Variants in SLC25A53 observed in about 807,000 individuals in gnomAD.
SLC25A53 encodes the protein solute carrier family 25 member 53, also known as mitochondrial carrier triple repeat protein 6.
In SLC25A53, 5 loss-of-function variants were observed where a neutral mutation model predicts 15.0. The observed-to-expected ratio is 0.33, with a 90% CI of 0.17 to 0.70. The LOEUF is 0.70. Among genes scored for constraint, SLC25A53 ranks in the 30% least tolerant of loss-of-function variants. The pLI is 0.67. For synonymous variants in SLC25A53, 95 were observed against 100.0 expected (o/e 0.95, Z 0.30); for missense variants, 216 against 241.6 (o/e 0.89, Z 0.70).
intron 1 of SLC25A53, among the ~76,000 whole-genome samples, chrX:104,111,062 G>A (rs149029645): frequency 1.1e-3 from 120 of 112,546 alleles, no homozygotes; most frequent in South Asian, 5.5e-3. Context: ...TACATTTCAT[G>A]ACAGATATGC....
intron 1 of SLC25A53, among the ~76,000 whole-genome samples, chrX:104,129,870 G>A (rs1185296682): frequency 1.9e-5 from 2 of 105,328 alleles, no homozygotes; most frequent in Non-Finnish European, 3.9e-5. Flanking sequence ...ATGTGTGTGT[G>A]TGTGTGTGTG....
In SLC25A53 at chrX:104,101,228, C is replaced by T. The variant is rs186099417; in HGVS notation, c.*3106G>A. On this transcript the variant is annotated 3_prime_UTR_variant, in exon 2 of 2. Transcript: ENST00000594199. ...CTTCTGTGCCCTCCCTGGGTCACCA[C>T]CCTCCAGGAACCTCCACATGTTCAG... The T allele has an allele frequency of 8.9e-6, 1 of 112,573 alleles. No individual in the cohort carries two copies. The highest frequency in any genetic ancestry group is 2.8e-4 in the East Asian group (1 of 3,589). 9.3% of individuals were successfully genotyped at this position (112,573 alleles called of 1,213,427 possible).
chrX:104,125,270 T>A (rs1241710432), intron 1 of SLC25A53, among the ~76,000 whole-genome samples: 1 of 111,554 alleles, frequency 9.0e-6, no homozygotes, highest in Non-Finnish European at 1.9e-5. Flanking sequence ...TTCTTGTTCT[T>A]TTTCTATAAA....
intron 1 of SLC25A53, among the ~76,000 whole-genome samples, chrX:104,135,493 C>T (rs1479312942): frequency 2.7e-5 from 3 of 110,659 alleles, no homozygotes; most frequent in African/African-American, 6.6e-5. Context: ...TGGAATTCTT[C>T]GATCTCCACA....
At position 104,105,180 on chromosome X, in the gene SLC25A53, C is replaced by A; in HGVS notation, c.78G>T (p.Trp26Cys). The stretch of plus-strand genomic sequence containing the variant: ...CCCCAAGGGCATAGGCCTGGGAATG[C>A]CAGCTTTTCTTTCCTGGAGCCTCTG... ...TRAEAPGKKSWHSQAYALGAV... is the reference protein window; with the variant it reads ...TRAEAPGKKSCHSQAYALGAV... Residue 26 changes from tryptophan (W) to cysteine (C), a missense_variant, in exon 2 of 2, where the codon TGG (tryptophan) becomes TGT (cysteine). By Grantham distance (215) the Trp-to-Cys change is radical. Coordinates refer to ENST00000594199, the MANE Select transcript of SLC25A53 (RefSeq NM_001012755.5). 1 of 1,212,083 alleles carries A rather than the reference C, an allele frequency of 8.3e-7. No individual in the cohort carries two copies. Among genetic ancestry groups the A allele is most frequent in the Non-Finnish European group, 1.1e-6 (1 of 895,539 alleles).
chrX:104,152,701 G>A (rs1375741425), intron 1 of SLC25A53, among the ~76,000 whole-genome samples: 1 of 111,776 alleles, frequency 8.9e-6, no homozygotes, highest in Non-Finnish European at 1.9e-5. Flanking sequence ...GCCTCCTAAA[G>A]TGCTGGGATT....
chrX:104,108,144 C>T (rs1330132474), intron 1 of SLC25A53, among the ~76,000 whole-genome samples: 1 of 111,380 alleles, frequency 9.0e-6, no homozygotes, highest in Non-Finnish European at 1.9e-5. Context: ...GAGGGGAGTT[C>T]GTGTTTCTCC....
At chrX:104,114,739 C>T in intron 1 of SLC25A53, 1 of 1,211,812 alleles carries the variant, frequency 8.3e-7, no homozygotes, top group African/African-American at 1.7e-5. Flanking sequence ...TCCCAATTTC[C>T]TGGAGTTAAT....
chrX:104,118,124 C>T (rs781854232), intron 1 of SLC25A53, among the ~76,000 whole-genome samples: 1 of 112,625 alleles, frequency 8.9e-6, no homozygotes, highest in South Asian at 3.7e-4. Flanking sequence ...ACAAAGAAGA[C>T]TTGGAGTGAT....
chrX:104,114,755 T>C (rs1399047579), intron 1 of SLC25A53: 5 of 1,209,857 alleles, frequency 4.1e-6, no homozygotes, highest in Non-Finnish European at 5.6e-6. Flanking sequence ...TTAATCAAGA[T>C]GATAAGGGAG....
rs1322284877 is a variant in SLC25A53 at position 104,100,200 on chromosome X, G to A, written c.*4134C>T. The A allele has an allele frequency of 9.0e-6, 1 of 111,558 alleles. No homozygotes were observed. Among genetic ancestry groups the A allele is most frequent in the Non-Finnish European group, 1.9e-5 (1 of 53,106 alleles). The allele number at this position is 111,558 out of a possible 1,213,427, so 9.2% of individuals were successfully genotyped here. On this transcript the variant is annotated 3_prime_UTR_variant, in exon 2 of 2. Coordinates refer to ENST00000594199, the MANE Select transcript of SLC25A53 (RefSeq NM_001012755.5). ...GTCAGAATATACCATATAATGATTTGTCATAAAACGTTATTATTTCAACTT... is the reference window on the plus strand; with the variant it reads ...GTCAGAATATACCATATAATGATTTATCATAAAACGTTATTATTTCAACTT...
chrX:104,099,498 G>A lies in SLC25A53; in HGVS notation c.*4836C>T, dbSNP rs1406970136. ...ATAAATCATGGTATATTTATACAATGGTAAACTGTACAACAATAAAAATGG... is the reference window on the plus strand; with the variant it reads ...ATAAATCATGGTATATTTATACAATAGTAAACTGTACAACAATAAAAATGG... On this transcript the variant is annotated 3_prime_UTR_variant, in exon 2 of 2. Transcript: ENST00000594199. The A allele has an allele frequency of 5.4e-5, 6 of 111,790 alleles. No homozygotes were observed. The highest frequency in any genetic ancestry group is 1.6e-4 in the African/African-American group (5 of 30,804). 9.2% of individuals were successfully genotyped at this position (111,790 alleles called of 1,213,427 possible). A position where few individuals can be genotyped will look rare whatever the true frequency, so the allele number is the denominator to read the frequency against.
At chrX:104,146,876 C>G (rs1379424315) in intron 1 of SLC25A53, among the ~76,000 whole-genome samples, 3 of 110,988 alleles carry the variant, frequency 2.7e-5, no homozygotes, top group Non-Finnish European at 5.7e-5. Context: ...GGCCATACAG[C>G]CCAAGGTAAT....
chrX:104,126,871 G>A (rs1290239010), intron 1 of SLC25A53, among the ~76,000 whole-genome samples: 3 of 112,112 alleles, frequency 2.7e-5, no homozygotes, highest in African/African-American at 9.7e-5. Flanking sequence ...TCACAAGGAT[G>A]TAGAAAAAAT....
intron 1 of SLC25A53, among the ~76,000 whole-genome samples, chrX:104,133,895 T>C (rs2075431056): frequency 8.9e-6 from 1 of 112,002 alleles, no homozygotes; most frequent in African/African-American, 3.2e-5. Flanking sequence ...ACACATCTCC[T>C]AGCTGTGCCA....
intron 1 of SLC25A53, among the ~76,000 whole-genome samples, chrX:104,148,061 A>C (rs2075473610): frequency 9.0e-6 from 1 of 111,018 alleles, no homozygotes; most frequent in Non-Finnish European, 1.9e-5. Flanking sequence ...CAAATGTCCA[A>C]CAATGATAGA....
chrX:104,151,879 C>T (rs192500750), intron 1 of SLC25A53, among the ~76,000 whole-genome samples: 1 of 111,731 alleles, frequency 9.0e-6, no homozygotes, highest in Admixed American at 9.5e-5. Context: ...AATAACACTA[C>T]CTGTAAGACT....
Position 104,102,400 on chromosome X carries a change from C to T in SLC25A53, c.*1934G>A, listed in dbSNP as rs1556353030. On this transcript the variant is annotated 3_prime_UTR_variant, in exon 2 of 2. Transcript: ENST00000594199. ...TGTTTGTGAAATTTCAGTTCCTGAA[C>T]TGGTGCTAATAGCAAACATGCCATC... 1 of 112,627 alleles carries T rather than the reference C, an allele frequency of 8.9e-6. No individual in the cohort carries two copies. Among genetic ancestry groups the T allele is most frequent in the Non-Finnish European group, 1.9e-5 (1 of 53,378 alleles). 9.3% of individuals were successfully genotyped at this position (112,627 alleles called of 1,213,427 possible).
At chrX:104,137,659 C>T (rs1857554202) in intron 1 of SLC25A53, among the ~76,000 whole-genome samples, 1 of 111,811 alleles carries the variant, frequency 8.9e-6, no homozygotes, top group Admixed American at 9.5e-5. Flanking sequence ...AATCAGAGCT[C>T]ATCTTCCTCA....
Sources: gnomAD v4.1 joint callset for allele counts (sites outside exome capture counted in the v4.1 genomes callset) on GRCh38, gnomAD v4.1.1 for gene constraint, MANE v1.5 for transcripts, NCBI Gene and HGNC (gene_info 2026-07-23, HGNC 2026-07-21) for gene names.